ADAM12: variants seen among roughly 807,000 people sequenced by gnomAD.
The protein encoded by ADAM12 is ADAM metallopeptidase domain 12, also known as disintegrin and metalloproteinase domain-containing protein 12.
A neutral mutation model predicts 106.4 loss-of-function variants in ADAM12; 70 were observed. That is an observed-to-expected ratio of 0.66 (90% CI 0.54 to 0.80). The LOEUF is 0.80. Ranked by LOEUF, ADAM12 falls within the 30% of genes least tolerant of loss-of-function variation. The pLI is 0.00. For missense variants in ADAM12, 1,010 were observed against 1,171.9 expected (o/e 0.86, Z 2.02); for synonymous variants, 420 against 433.5 (o/e 0.97, Z 0.39).
intron 2 of ADAM12, among the ~76,000 whole-genome samples, chr10:126,315,649 G>A (rs1322758707): frequency 1.3e-5 from 2 of 152,010 alleles, no homozygotes; most frequent in Non-Finnish European, 2.9e-5. Flanking sequence ...CTCAGTACCT[G>A]CCAATGAAAC....
chr10:126,181,092 G>A (rs1957304073), intron 3 of ADAM12, among the ~76,000 whole-genome samples: 2 of 141,916 alleles, frequency 1.4e-5, no homozygotes, highest in African/African-American at 2.7e-5. Context: ...TTTTTTTTGA[G>A]ACACAGTCTC....
intron 2 of ADAM12, among the ~76,000 whole-genome samples, chr10:126,280,210 G>A (rs1959501289): frequency 1.3e-5 from 2 of 151,954 alleles, no homozygotes; most frequent in South Asian, 4.1e-4. Context: ...ACAACTGAAG[G>A]TCACATGAGT....
chr10:126,093,342 G>T (rs1376902592), intron 11 of ADAM12, among the ~76,000 whole-genome samples: 1 of 152,138 alleles, frequency 6.6e-6, no homozygotes, highest in Non-Finnish European at 1.5e-5. Flanking sequence ...GAACTGTCTT[G>T]CTCTTTTCTG....
intron 5 of ADAM12, chr10:126,135,313 T>C (rs10751540): frequency 0.41 from 172,702 of 426,142 alleles, 36,168 homozygotes; most frequent in East Asian, 0.48. Flanking sequence ...TGCTTGGATG[T>C]AGAAACTCAA....
chr10:126,275,322 T>C (rs1959216234), intron 3 of ADAM12, among the ~76,000 whole-genome samples: 1 of 152,196 alleles, frequency 6.6e-6, no homozygotes. Flanking sequence ...ATCAACCTGG[T>C]TTCTACAGGT....
intron 8 of ADAM12, among the ~76,000 whole-genome samples, chr10:126,101,861 C>T (rs999724991): frequency 6.6e-6 from 1 of 152,174 alleles, no homozygotes; most frequent in African/African-American, 2.4e-5. Context: ...ACTATCCTCC[C>T]CACAGCCAGA....
At chr10:126,163,537 A>AATGACCTCCAT (rs1956973141) in intron 3 of ADAM12, among the ~76,000 whole-genome samples, 1 of 151,912 alleles carries the variant, frequency 6.6e-6, no homozygotes, top group Admixed American at 6.5e-5. Context: ...ATGACCTCCA[A>AATGACCTCCAT]ATTGCTTTCA....
intron 6 of ADAM12, among the ~76,000 whole-genome samples, chr10:126,111,107 T>C (rs1404888526): frequency 6.6e-6 from 1 of 152,052 alleles, no homozygotes; most frequent in African/African-American, 2.4e-5. Context: ...ACAAGAAAAA[T>C]GTTTGTATTA....
At chr10:126,025,367 T>TA (rs755590456) in intron 21 of ADAM12, among the ~76,000 whole-genome samples, 2 of 152,158 alleles carry the variant, frequency 1.3e-5, no homozygotes, top group South Asian at 2.1e-4. Context: ...CTGTTAGAGC[T>TA]AAAAAACACA....
intron 3 of ADAM12, among the ~76,000 whole-genome samples, chr10:126,157,676 G>A (rs1485787312): frequency 2.0e-5 from 3 of 152,232 alleles, no homozygotes; most frequent in Non-Finnish European, 4.4e-5. Flanking sequence ...CCTCCCAAGT[G>A]CTGCCCCTCA....
At chr10:126,086,770 C>T (rs1955365568) in intron 11 of ADAM12, among the ~76,000 whole-genome samples, 1 of 140,336 alleles carries the variant, frequency 7.1e-6, no homozygotes, top group African/African-American at 2.7e-5. Context: ...GTGCGTGGCT[C>T]ACACCTGTAT....
chr10:126,388,218 C>A lies in ADAM12; in HGVS notation c.-73G>T. 1 of 1,192,714 alleles carries A rather than the reference C, an allele frequency of 8.4e-7. No homozygotes were observed. Among genetic ancestry groups the A allele is most frequent in the Non-Finnish European group, 1.0e-6 (1 of 962,608 alleles). The allele number at this position is 1,192,714 out of a possible 1,614,324, so 73.9% of individuals were successfully genotyped here. A position where few individuals can be genotyped will look rare whatever the true frequency, so the allele number is the denominator to read the frequency against. On this transcript the variant is annotated 5_prime_UTR_variant, in exon 1 of 23. Coordinates refer to ENST00000448723, the MANE Select transcript of ADAM12 (RefSeq NM_001288973.2). The surrounding 1 kb of genome is among the most constrained non-coding windows in gnomAD (Gnocchi z 4.4). ...TGCACCATCCCACGCGGGCGCCGAG[C>A]CGGGGCCGGGCGTCGCGACCGGAGG...
At chr10:126,232,585 T>C (rs1356590671) in intron 3 of ADAM12, among the ~76,000 whole-genome samples, 1 of 152,158 alleles carries the variant, frequency 6.6e-6, no homozygotes, top group Non-Finnish European at 1.5e-5. Context: ...AGCAATCTGC[T>C]CTCTCTTTGT....
At chr10:126,230,331 T>C (rs1261895054) in intron 3 of ADAM12, among the ~76,000 whole-genome samples, 1 of 152,198 alleles carries the variant, frequency 6.6e-6, no homozygotes, top group Non-Finnish European at 1.5e-5. Flanking sequence ...CAATACAACA[T>C]CTTCAATGCC....
At chr10:126,311,722 A>C (rs1004033838) in intron 2 of ADAM12, among the ~76,000 whole-genome samples, 1 of 152,138 alleles carries the variant, frequency 6.6e-6, no homozygotes, top group Non-Finnish European at 1.5e-5. Context: ...GAACACATCC[A>C]TGTGCCAGGA....
intron 5 of ADAM12, among the ~76,000 whole-genome samples, chr10:126,134,077 G>A (rs1956359452): frequency 6.6e-6 from 1 of 152,234 alleles, no homozygotes; most frequent in Admixed American, 6.5e-5. Context: ...TGGCAATGAG[G>A]AAGCACTCAA....
At chr10:126,161,589 T>A (rs766039577) in intron 3 of ADAM12, among the ~76,000 whole-genome samples, 49 of 152,214 alleles carry the variant, frequency 3.2e-4, no homozygotes, top group Non-Finnish European at 8.8e-5. Flanking sequence ...GCACTGCCCC[T>A]TTTGCTTCGG....
At chr10:126,069,276 A>G (rs1349268608) in intron 12 of ADAM12, among the ~76,000 whole-genome samples, 1 of 152,192 alleles carries the variant, frequency 6.6e-6, no homozygotes, top group African/African-American at 2.4e-5. Context: ...CTATTTTTTG[A>G]AAAGCAAAAA....
intron 2 of ADAM12, among the ~76,000 whole-genome samples, chr10:126,295,731 C>T (rs1449805019): frequency 6.6e-6 from 1 of 152,140 alleles, no homozygotes; most frequent in African/African-American, 2.4e-5. Flanking sequence ...ACTCTTTTGT[C>T]CCCAATATGC....
Sources: gnomAD v4.1 joint callset for allele counts (sites outside exome capture counted in the v4.1 genomes callset) on GRCh38, gnomAD v4.1.1 for gene constraint, Gnocchi (gnomAD v3.1) non-coding constraint, MANE v1.5 for transcripts, NCBI Gene and HGNC (gene_info 2026-07-23, HGNC 2026-07-21) for gene names.